Variants in EDEM2 observed in about 807,000 individuals in gnomAD.
EDEM2 encodes the protein ER degradation-enhancing alpha-mannosidase-like protein 2.
EDEM2 carries 39 observed loss-of-function variants against 64.8 expected under a neutral mutation model. The ratio of observed to expected loss-of-function variants is 0.60; its 90% CI spans 0.47 to 0.79. EDEM2 has a LOEUF of 0.79. EDEM2 is among the 30% of genes least tolerant of loss of function. The probability of loss-of-function intolerance (pLI) is 0.00; values close to 1 mark genes in which losing one functional copy is unlikely to be tolerated. For missense variants in EDEM2, 609 were observed against 731.3 expected (o/e 0.83, Z 1.93); for synonymous variants, 296 against 291.5 (o/e 1.02, Z -0.16).
intron 7 of EDEM2, among the ~76,000 whole-genome samples, chr20:35,128,151 C>T (rs543770639): frequency 3.3e-5 from 5 of 151,956 alleles, no homozygotes; most frequent in South Asian, 2.1e-4. Context: ...TTTGGGAGGG[C>T]GAGGTGGGCG....
intron 5 of EDEM2, among the ~76,000 whole-genome samples, chr20:35,135,256 A>G (rs2085560337): frequency 2.0e-5 from 3 of 152,126 alleles, no homozygotes; most frequent in Non-Finnish European, 2.9e-5. Flanking sequence ...TTTATTTTAC[A>G]CTACGCCTTC....
intron 5 of EDEM2, among the ~76,000 whole-genome samples, chr20:35,135,888 C>G (rs1294623901): frequency 6.6e-6 from 1 of 152,132 alleles, no homozygotes; most frequent in African/African-American, 2.4e-5. Context: ...GGGAACGCCT[C>G]CCCTGTGCCC....
At chr20:35,137,200 T>C (rs917427256) in intron 5 of EDEM2, among the ~76,000 whole-genome samples, 1 of 152,094 alleles carries the variant, frequency 6.6e-6, no homozygotes, top group East Asian at 1.9e-4. Context: ...GCCAGATCAC[T>C]TGAGGTCAAG....
At chr20:35,126,731 G>A (rs374016205) in intron 7 of EDEM2, among the ~76,000 whole-genome samples, 6 of 152,204 alleles carry the variant, frequency 3.9e-5, no homozygotes, top group African/African-American at 1.2e-4. Context: ...TGACCAACAC[G>A]GAGAAACCCT....
At chr20:35,144,882 A>C in intron 3 of EDEM2, 97 bp downstream of exon 3, 1 of 1,386,706 alleles carries the variant, frequency 7.2e-7, no homozygotes. Context: ...AAGGCCTAGG[A>C]GAGGAATTCA....
chr20:35,146,809 C>T lies in EDEM2; in HGVS notation c.218+16G>A. On this transcript the variant is annotated intron_variant, in intron 2 of 10. Transcript: ENST00000374492. The stretch of plus-strand genomic sequence containing the variant: ...AGTCAGACCCTGGCCGCCCCTTGCC[C>T]CTCCGCTCGCACTACCTGCCCCAGG... The T allele has an allele frequency of 2.5e-6, 4 of 1,612,566 alleles. No individual in the cohort carries two copies. The highest frequency in any genetic ancestry group is 1.1e-5 in the South Asian group (1 of 90,752).
Position 35,146,942 on chromosome 20 carries a change from G to T in EDEM2, c.108-7C>A, listed in dbSNP as rs750523978. 2.3e-5 allele frequency: 37 copies of T among 1,611,738 alleles called. No homozygotes were observed. Among genetic ancestry groups the T allele is most frequent in the Non-Finnish European group, 3.0e-5 (35 of 1,178,976 alleles). ...CATGGCCTTGACTCGCTCCCTGGGT[G>T]GGGGACGAGAAATCAGGCATGGGGC... On this transcript the variant is annotated splice_region_variant and splice_polypyrimidine_tract_variant and intron_variant, in intron 1 of 10. Coordinates refer to ENST00000374492, the MANE Select transcript of EDEM2 (RefSeq NM_018217.3).
In EDEM2 at chr20:35,145,022, C is replaced by T; in HGVS notation, c.219-4G>A. The T allele has an allele frequency of 6.2e-7, 1 of 1,613,892 alleles. No individual in the cohort carries two copies. The highest frequency in any genetic ancestry group is 8.5e-7 in the Non-Finnish European group (1 of 1,179,862). On this transcript the variant is annotated splice_region_variant and splice_polypyrimidine_tract_variant and intron_variant, in intron 2 of 10. Coordinates refer to ENST00000374492, the MANE Select transcript of EDEM2 (RefSeq NM_018217.3). ...ATCAATTAGAGTCAGAGAAAAACTG[C>T]AAAAGGACAGAAATCCCAGCCGCTT...
At chr20:35,132,652 T>A (rs2085521002) in intron 6 of EDEM2, among the ~76,000 whole-genome samples, 1 of 120,042 alleles carries the variant, frequency 8.3e-6, no homozygotes, top group Admixed American at 1.1e-4. Flanking sequence ...AGACTCTGTC[T>A]CAAAAAAATA....
At chr20:35,119,760 A>G (rs1252666054) in intron 9 of EDEM2, among the ~76,000 whole-genome samples, 1 of 152,186 alleles carries the variant, frequency 6.6e-6, no homozygotes, top group Non-Finnish European at 1.5e-5. Context: ...CTACCTTAAG[A>G]TGAATATTAG....
intron 10 of EDEM2, 169 bp downstream of exon 10, chr20:35,118,429 A>G: frequency 2.0e-6 from 2 of 980,376 alleles, no homozygotes; most frequent in Non-Finnish European, 3.0e-6. Flanking sequence ...CAAGGCACTT[A>G]GCTTCTCTGT....
At position 35,115,945 on chromosome 20, in the gene EDEM2, G is replaced by A. The variant is rs1180546395; in HGVS notation, c.1237-12C>T. The A allele has an allele frequency of 6.2e-7, 1 of 1,610,094 alleles. No individual in the cohort carries two copies. Among genetic ancestry groups the A allele is most frequent in the Non-Finnish European group, 8.5e-7 (1 of 1,177,500 alleles). ...CGCAGATCTTTGATCTGACATGTGG[G>A]AGAAGGAAGCAAGCTGGAACACCAT... On this transcript the variant is annotated splice_polypyrimidine_tract_variant and intron_variant, in intron 10 of 10. Coordinates refer to ENST00000374492, the MANE Select transcript of EDEM2 (RefSeq NM_018217.3).
chr20:35,143,537 T>C (rs2085686488), intron 3 of EDEM2, among the ~76,000 whole-genome samples: 1 of 152,202 alleles, frequency 6.6e-6, no homozygotes, highest in Non-Finnish European at 1.5e-5. Flanking sequence ...TTTCTTTTAC[T>C]TGAGAAAATA....
intron 9 of EDEM2, among the ~76,000 whole-genome samples, chr20:35,119,976 G>A (rs2085349718): frequency 6.6e-6 from 1 of 152,110 alleles, no homozygotes; most frequent in African/African-American, 2.4e-5. Flanking sequence ...ATCTCCCCCT[G>A]ACCTTCTCCT....
intron 7 of EDEM2, among the ~76,000 whole-genome samples, chr20:35,126,771 G>A (rs764582198): frequency 6.6e-6 from 1 of 152,162 alleles, no homozygotes; most frequent in Non-Finnish European, 1.5e-5. Flanking sequence ...AATTAGCCAG[G>A]TGTGGTGGTG....
chr20:35,136,578 G>A (rs532223670), intron 5 of EDEM2, among the ~76,000 whole-genome samples: 2 of 151,874 alleles, frequency 1.3e-5, no homozygotes, highest in Non-Finnish European at 2.9e-5. Flanking sequence ...GCAACATGGT[G>A]AAACCCCATC....
At chr20:35,135,818 T>C (rs1368946851) in intron 5 of EDEM2, among the ~76,000 whole-genome samples, 1 of 152,130 alleles carries the variant, frequency 6.6e-6, no homozygotes, top group African/African-American at 2.4e-5. Flanking sequence ...GGGAAAACCA[T>C]GCCTGTAAAG....
At chr20:35,135,679 T>C (rs1391356173) in intron 5 of EDEM2, among the ~76,000 whole-genome samples, 1 of 150,642 alleles carries the variant, frequency 6.6e-6, no homozygotes, top group Non-Finnish European at 1.5e-5. Flanking sequence ...AACAAAGCCA[T>C]TCATAGACTT....
At chr20:35,146,002 CAAAAAAA>C (rs138113879) in intron 2 of EDEM2, among the ~76,000 whole-genome samples, 6 of 82,818 alleles carry the variant, frequency 7.2e-5, no homozygotes, top group Admixed American at 3.1e-4. Context: ...AACTCCATCT[CAAAAAAA>C]AAAAAAAAAA....
Sources: gnomAD v4.1 joint callset for allele counts (sites outside exome capture counted in the v4.1 genomes callset) on GRCh38, gnomAD v4.1.1 for gene constraint, MANE v1.5 for transcripts, NCBI Gene and HGNC (gene_info 2026-07-23, HGNC 2026-07-21) for gene names.